HEATR5A: variants seen among roughly 807,000 people sequenced by gnomAD.
HEATR5A encodes the protein HEAT repeat-containing protein 5A.
A neutral mutation model predicts 218.8 loss-of-function variants in HEATR5A; 178 were observed. That is an observed-to-expected ratio of 0.81 (90% CI 0.72 to 0.92). HEATR5A has a LOEUF of 0.92. Among genes scored for constraint, HEATR5A ranks in the 40% least tolerant of loss-of-function variants. The pLI is 0.00. For synonymous variants in HEATR5A, 864 were observed against 871.6 expected (o/e 0.99, Z 0.15); for missense variants, 2,420 against 2,418.9 (o/e 1.00, Z -0.01).
At chr14:31,407,168 G>A (rs2031099506) in intron 1 of HEATR5A, among the ~76,000 whole-genome samples, 1 of 152,032 alleles carries the variant, frequency 6.6e-6, no homozygotes, top group Non-Finnish European at 1.5e-5. Context: ...GTGCACACCT[G>A]CAGTCCCAGC....
At chr14:31,328,000 T>A (rs1595101210) in intron 22 of HEATR5A, among the ~76,000 whole-genome samples, 1 of 152,254 alleles carries the variant, frequency 6.6e-6, no homozygotes, top group Admixed American at 6.5e-5. Flanking sequence ...GTCGCCCAGG[T>A]TGGAGTACAG....
At chr14:31,320,836 T>C (rs1165686644) in intron 25 of HEATR5A, among the ~76,000 whole-genome samples, 1 of 152,178 alleles carries the variant, frequency 6.6e-6, no homozygotes, top group African/African-American at 2.4e-5. Flanking sequence ...GTGATCTTCC[T>C]GCCTCAGCCT....
intron 18 of HEATR5A, among the ~76,000 whole-genome samples, chr14:31,349,379 G>A (rs1028466500): frequency 4.0e-5 from 6 of 150,810 alleles, no homozygotes; most frequent in African/African-American, 9.7e-5. Context: ...GTGAGACTCC[G>A]TCTCAAAAAA....
Position 31,305,085 on chromosome 14 carries a change from CA to C in HEATR5A, c.5058del (p.Phe1686LeufsTer11). 1 of 1,613,936 alleles carries C rather than the reference CA, an allele frequency of 6.2e-7. No individual in the cohort carries two copies. Among genetic ancestry groups the C allele is most frequent in the Non-Finnish European group, 8.5e-7 (1 of 1,179,880 alleles). On this transcript the variant is annotated frameshift_variant, in exon 32 of 36. Coordinates refer to ENST00000543095, the MANE Select transcript of HEATR5A (RefSeq NM_015473.4). LOFTEE classifies it high-confidence loss of function. ...ATGCATACACACAATTCCAGTGTTG[CA>C]AAGACCAAAGACTTTCCAGGCACAA... The part of the protein sequence containing the change: ...GGLVPGKSLV[F>X]ATLELCVCIL...
At chr14:31,411,121 G>T (rs2031256282) in intron 1 of HEATR5A, among the ~76,000 whole-genome samples, 5 of 152,168 alleles carry the variant, frequency 3.3e-5, no homozygotes, top group African/African-American at 9.6e-5. Flanking sequence ...ATAAACAGTG[G>T]CAGTACAAAT....
At position 31,371,879 on chromosome 14, in the gene HEATR5A, T is replaced by A; in HGVS notation, c.1892A>T (p.Asp631Val). The A allele has an allele frequency of 1.3e-6, 2 of 1,549,492 alleles. No homozygotes were observed. Among genetic ancestry groups the A allele is most frequent in the Non-Finnish European group, 1.7e-6 (2 of 1,145,002 alleles). ...CTGAGTTACTTCCTCAGTAAGAAGA[T>A]CACCACAGTGGGAAACAAAGCTCTT... Reference protein sequence around the residue: ...AIKSFVSHCGDLLTEEVTQRL... With the variant: ...AIKSFVSHCGVLLTEEVTQRL... The change falls in exon 13 of 36, where the codon GAT becomes GTT. Residue 631 changes from aspartate to valine, a missense_variant. Coordinates refer to ENST00000543095, the MANE Select transcript of HEATR5A (RefSeq NM_015473.4).
intron 6 of HEATR5A, 83 bp from the exon 7 acceptor site, chr14:31,389,088 T>C: frequency 1.6e-6 from 2 of 1,253,364 alleles, no homozygotes; most frequent in South Asian, 1.4e-5. Context: ...AGCATGTTAA[T>C]AGAAACAAAA....
At chr14:31,303,559 G>C (rs753386084) in intron 32 of HEATR5A, among the ~76,000 whole-genome samples, 2 of 152,158 alleles carry the variant, frequency 1.3e-5, no homozygotes, top group Non-Finnish European at 2.9e-5. Context: ...AGATTTAATT[G>C]GAAACAAGAC....
At chr14:31,342,467 C>T (rs1375920410) in intron 21 of HEATR5A, among the ~76,000 whole-genome samples, 1 of 152,124 alleles carries the variant, frequency 6.6e-6, no homozygotes, top group Non-Finnish European at 1.5e-5. Context: ...AGACACATGT[C>T]AAGACAGCAA....
chr14:31,413,944 T>C (rs926285096), intron 1 of HEATR5A, among the ~76,000 whole-genome samples: 1 of 152,254 alleles, frequency 6.6e-6, no homozygotes, highest in Non-Finnish European at 1.5e-5. Flanking sequence ...TTCTCATCAC[T>C]TCACTTTTAT....
chr14:31,404,880 T>C (rs368607123), intron 1 of HEATR5A, among the ~76,000 whole-genome samples: 2 of 150,670 alleles, frequency 1.3e-5, no homozygotes, highest in East Asian at 2.0e-4. Context: ...CACCACTGCA[T>C]TCCAGCCTGG....
At chr14:31,376,695 G>A (rs1902239917) in intron 11 of HEATR5A, among the ~76,000 whole-genome samples, 1 of 152,098 alleles carries the variant, frequency 6.6e-6, no homozygotes, top group African/African-American at 2.4e-5. Flanking sequence ...TTCAAGGAAT[G>A]AACATGTTTT....
chr14:31,352,295 T>C (rs1901259635), intron 16 of HEATR5A, among the ~76,000 whole-genome samples: 1 of 152,170 alleles, frequency 6.6e-6, no homozygotes, highest in Non-Finnish European at 1.5e-5. Context: ...CTCCCTAATA[T>C]CTTGTGTTTG....
intron 1 of HEATR5A, among the ~76,000 whole-genome samples, chr14:31,416,513 C>T (rs2031454141): frequency 6.6e-6 from 1 of 151,990 alleles, no homozygotes. Context: ...TGTCACATAA[C>T]CAGCTCCAAT....
At position 31,348,016 on chromosome 14, in the gene HEATR5A, G is replaced by A. The variant is rs1901077689; in HGVS notation, c.2709-109C>T. The stretch of plus-strand genomic sequence containing the variant: ...GGCAAAACTTTTTATATGGATAGTT[G>A]CAAAATTTAGAAATACATTTTTGGC... On this transcript the variant is annotated intron_variant, in intron 18 of 35. Coordinates refer to ENST00000543095, the MANE Select transcript of HEATR5A (RefSeq NM_015473.4). 8 of 565,224 alleles carry A rather than the reference G, an allele frequency of 1.4e-5. No individual in the cohort carries two copies. In the South Asian group the frequency reaches 4.7e-4, roughly 33 times the overall value. 35.0% of individuals were successfully genotyped at this position (565,224 alleles called of 1,614,324 possible). A position where few individuals can be genotyped will look rare whatever the true frequency, so the allele number is the denominator to read the frequency against.
At chr14:31,312,055 G>A (rs1899773097) in intron 28 of HEATR5A, among the ~76,000 whole-genome samples, 1 of 152,154 alleles carries the variant, frequency 6.6e-6, no homozygotes, top group Non-Finnish European at 1.5e-5. Context: ...GTAACCAAAG[G>A]AACAGATGTG....
At position 31,395,307 on chromosome 14, in the gene HEATR5A, T is replaced by C; in HGVS notation, c.489A>G (p.Ile163Met). Residue 163 changes from isoleucine (I) to methionine (M), a missense_variant, in exon 5 of 36, where the codon ATA becomes ATG. Transcript: ENST00000543095. The stretch of plus-strand genomic sequence containing the variant: ...CAGCGGCAGCTCCTAGTCCATTCAA[T>C]ATATTTTGCAGACTTAGCATAATCT... ...RYEIMLSLQN[I>M]LNGLGAAAAP... 3 of 1,531,270 alleles carry C rather than the reference T, an allele frequency of 2.0e-6. No homozygotes were observed. Among genetic ancestry groups the C allele is most frequent in the East Asian group, 2.4e-5 (1 of 40,880 alleles). 94.9% of individuals were successfully genotyped at this position (1,531,270 alleles called of 1,614,324 possible).
chr14:31,309,401 T>C (rs1367940683), intron 28 of HEATR5A, among the ~76,000 whole-genome samples: 1 of 152,226 alleles, frequency 6.6e-6, no homozygotes, highest in Non-Finnish European at 1.5e-5. Flanking sequence ...CACATATACA[T>C]ATGTACTTAT....
intron 1 of HEATR5A, among the ~76,000 whole-genome samples, chr14:31,414,035 G>A (rs1007632740): frequency 1.2e-4 from 18 of 152,084 alleles, no homozygotes; most frequent in Non-Finnish European, 2.5e-4. Context: ...CCATCTAGAC[G>A]GCAAATCAAT....
Sources: allele counts gnomAD v4.1 joint callset (sites outside exome capture counted in the v4.1 genomes callset), GRCh38; gene constraint gnomAD v4.1.1; transcripts MANE v1.5; gene names NCBI Gene and HGNC (gene_info 2026-07-23, HGNC 2026-07-21).